COL4A6: variants seen among roughly 807,000 people sequenced by gnomAD.
COL4A6 encodes collagen type IV alpha 6 chain, also known as collagen alpha-6(IV) chain.
COL4A6 carries 59 observed loss-of-function variants against 126.7 expected under a neutral mutation model. That is an observed-to-expected ratio of 0.47 (90% CI 0.38 to 0.58). The LOEUF is 0.58. Among genes scored for constraint, COL4A6 ranks in the 20% least tolerant of loss-of-function variants. COL4A6 has a pLI of 0.00. For missense variants in COL4A6, 1,285 were observed against 1,337.3 expected, an observed-to-expected ratio of 0.96 and a Z score of 0.61; for synonymous variants, 547 against 496.6, an observed-to-expected ratio of 1.10 and a Z score of -1.35.
At chrX:108,204,299 C>T in intron 12 of COL4A6, 21 bp downstream of exon 12, 2 of 1,101,810 alleles carry the variant, frequency 1.8e-6, no homozygotes, top group Non-Finnish European at 2.4e-6. Context: ...TAATTTTTTC[C>T]TATTCTTAAA....
At position 108,172,507 on chromosome X, in the gene COL4A6, G is replaced by A; in HGVS notation, c.3164C>T (p.Pro1055Leu). ...ESGSQGIRGS[P>L]GLPGASGLPG... ...GAGACCAGATGCTCCTGGGAGTCCA[G>A]GCGACCCTCTGATACCTTGTGAACC... Residue 1055 changes from proline to leucine, a missense_variant, in exon 32 of 45, where the codon CCT becomes CTT. Physicochemically the swap from Pro to Leu is moderately conservative, Grantham distance 98 (BLOSUM62 -3). Transcript: ENST00000334504. 2 of 1,207,127 alleles carry A rather than the reference G, an allele frequency of 1.7e-6. No individual in the cohort carries two copies. The highest frequency in any genetic ancestry group is 2.2e-6 in the Non-Finnish European group (2 of 893,286).
Position 108,180,985 on chromosome X carries a change from G to A in COL4A6, c.1952-17C>T. 1 of 1,183,651 alleles carries A rather than the reference G, an allele frequency of 8.4e-7. No homozygotes were observed. Among genetic ancestry groups the A allele is most frequent in the Non-Finnish European group, 1.1e-6 (1 of 871,058 alleles). On this transcript the variant is annotated splice_polypyrimidine_tract_variant and intron_variant, in intron 23 of 44. Transcript: ENST00000334504. The stretch of plus-strand genomic sequence containing the variant: ...GGGTGATTCCTGTAAATGGTAACAT[G>A]TGTGCATTCAGTGAACCCAGAGTTA...
intron 37 of COL4A6, among the ~76,000 whole-genome samples, chrX:108,168,661 T>C (rs937259406): frequency 3.0e-4 from 34 of 112,162 alleles, no homozygotes; most frequent in Non-Finnish European, 6.2e-4. Flanking sequence ...TAGGTTCTGT[T>C]ATAATGTTCA....
At position 108,164,713 on chromosome X, in the gene COL4A6, A is replaced by T; in HGVS notation, c.3971-15T>A. The T allele has an allele frequency of 8.3e-7, 1 of 1,208,116 alleles. No individual in the cohort carries two copies. The highest frequency in any genetic ancestry group is 1.1e-6 in the Non-Finnish European group (1 of 892,430). On this transcript the variant is annotated splice_polypyrimidine_tract_variant and intron_variant, in intron 39 of 44. Coordinates refer to ENST00000334504, the MANE Select transcript of COL4A6 (RefSeq NM_033641.4). ...ACCTCTCATGCCTGACAAAGCCCAA[A>T]GGAAGCAAGTCAGGTCCCGGCATGG...
At chrX:108,272,124 C>G (rs2037467159) in intron 3 of COL4A6, among the ~76,000 whole-genome samples, 1 of 111,340 alleles carries the variant, frequency 9.0e-6, no homozygotes, top group Non-Finnish European at 1.9e-5. Flanking sequence ...CTGTCCTGCC[C>G]CTCTCTGTTT....
intron 3 of COL4A6, among the ~76,000 whole-genome samples, chrX:108,303,632 A>AAAGC (rs1351877815): frequency 8.9e-6 from 1 of 111,913 alleles, no homozygotes; most frequent in Non-Finnish European, 1.9e-5. Context: ...GCGAGTTTCT[A>AAAGC]AAGCTAGAAC....
intron 3 of COL4A6, among the ~76,000 whole-genome samples, chrX:108,222,269 G>T (rs1430640360): frequency 8.9e-6 from 1 of 112,036 alleles, no homozygotes; most frequent in Non-Finnish European, 1.9e-5. Context: ...AATTTTCTTG[G>T]CAGAAAAATG....
chrX:108,422,736 T>C (rs921763874), intron 2 of COL4A6, among the ~76,000 whole-genome samples: 1 of 111,958 alleles, frequency 8.9e-6, no homozygotes, highest in African/African-American at 3.2e-5. Context: ...TCCTAGCCGT[T>C]AGGTTGAATG....
At chrX:108,369,980 T>C (rs922146768) in intron 2 of COL4A6, among the ~76,000 whole-genome samples, 1 of 111,986 alleles carries the variant, frequency 8.9e-6, no homozygotes, top group Non-Finnish European at 1.9e-5. Flanking sequence ...TAATCCAATC[T>C]TAACTCCCAT....
intron 12 of COL4A6, among the ~76,000 whole-genome samples, chrX:108,203,689 C>A (rs2035456770): frequency 8.9e-6 from 1 of 112,676 alleles, no homozygotes; most frequent in African/African-American, 3.2e-5. Context: ...TATCTGCACA[C>A]CTTAACAGTA....
intron 2 of COL4A6, among the ~76,000 whole-genome samples, chrX:108,431,825 A>G (rs1289073896): frequency 1.8e-5 from 2 of 111,650 alleles, no homozygotes; most frequent in African/African-American, 3.3e-5. Context: ...AGAGAATGCA[A>G]ATTGGTCTCT....
Position 108,204,445 on chromosome X carries a change from ACAAT to A in COL4A6, c.688-37_688-34del, listed in dbSNP as rs199627069. ...ATCAAATGGAACATTAAGCAAAGTG[ACAAT>A]CACACCGACCGTTTTTCCAGAGTGG... On this transcript the variant is annotated intron_variant, in intron 11 of 44. Coordinates refer to ENST00000334504, the MANE Select transcript of COL4A6 (RefSeq NM_033641.4). 7,689 of 1,120,164 alleles carry A rather than the reference ACAAT, an allele frequency of 6.9e-3. 302 individuals carry two copies. The African/African-American group carries it at 0.12, about 17-fold the overall frequency. 92.3% of individuals were successfully genotyped at this position (1,120,164 alleles called of 1,213,427 possible). A position where few individuals can be genotyped will look rare whatever the true frequency, so the allele number is the denominator to read the frequency against.
chrX:108,167,838 C>A (rs1301046832), intron 37 of COL4A6, among the ~76,000 whole-genome samples: 1 of 112,071 alleles, frequency 8.9e-6, no homozygotes, highest in African/African-American at 3.2e-5. Context: ...ACAATGAACA[C>A]TTGTGTTTCA....
chrX:108,196,640 A>C (rs372147123), intron 13 of COL4A6, 61 bp from the exon 14 acceptor site: 4 of 978,757 alleles, frequency 4.1e-6, no homozygotes, highest in Non-Finnish European at 1.4e-6. Context: ...TCCTGGCTTC[A>C]TCCAAAGCAA....
Position 108,206,537 on chromosome X carries a change from G to T in COL4A6, c.590C>A (p.Ala197Glu), listed in dbSNP as rs2035548945. 1.7e-6 allele frequency: 2 copies of T among 1,210,142 alleles called. No individual in the cohort carries two copies. The highest frequency in any genetic ancestry group is 3.5e-5 in the African/African-American group (2 of 57,788). ...APGFPGAVGP[A>E]GPPGLQGPPG... is the part of the protein sequence containing the mutation. ...TCTTACTTGTAATCCTGGTGGTCCTGCAGGTCCTACAGCTCCAGGAAATCC... is the reference window on the plus strand; with the variant it reads ...TCTTACTTGTAATCCTGGTGGTCCTTCAGGTCCTACAGCTCCAGGAAATCC... The change falls in exon 9 of 45, where the codon GCA (alanine) becomes GAA (glutamate). Residue 197 changes from alanine (A) to glutamate (E), a missense_variant. By Grantham distance (107) the Ala-to-Glu change is moderately radical (BLOSUM62 -1). Transcript: ENST00000334504.
At chrX:108,177,964 T>TG (rs778879980) in intron 27 of COL4A6, among the ~76,000 whole-genome samples, 6 of 111,768 alleles carry the variant, frequency 5.4e-5, no homozygotes, top group African/African-American at 1.9e-4. Context: ...GCAGAGCCAT[T>TG]GGGGGTGTTA....
rs578157904 is a variant in COL4A6 at position 108,210,400 on chromosome X, G to A, written c.511-396C>T. ...ATCCCCAAAGATTCTGTGCCCATAT[G>A]TATACGATGCAAATCGGTCATTTCA... is the stretch of plus-strand genomic sequence containing the variant. On this transcript the variant is annotated intron_variant, in intron 7 of 44. Transcript: ENST00000334504. Among the ~76,000 whole-genome samples the A allele has an allele frequency of 4.2e-4, 47 of 112,245 alleles. No individual in the cohort carries two copies. The South Asian group carries it at 0.017, about 41-fold the overall frequency.
intron 27 of COL4A6, among the ~76,000 whole-genome samples, chrX:108,178,100 A>AG (rs1302041061): frequency 4.4e-5 from 5 of 112,488 alleles, no homozygotes; most frequent in Non-Finnish European, 9.4e-5. Flanking sequence ...TTCAGTCACT[A>AG]GGCCAGGAGT....
In COL4A6 at chrX:108,156,937, G is replaced by T; in HGVS notation, c.*63C>A. Reference sequence around the variant, plus strand: ...AGGCCTTCCTTCTTCAGACCATTCAGGTTTGTGAGGTGACTGTTGTGAGGG... The same window carrying T: ...AGGCCTTCCTTCTTCAGACCATTCATGTTTGTGAGGTGACTGTTGTGAGGG... On this transcript the variant is annotated 3_prime_UTR_variant, in exon 45 of 45. Coordinates refer to ENST00000334504, the MANE Select transcript of COL4A6 (RefSeq NM_033641.4). The T allele has an allele frequency of 9.2e-7, 1 of 1,090,869 alleles. No individual in the cohort carries two copies. Among genetic ancestry groups the T allele is most frequent in the Non-Finnish European group, 1.3e-6 (1 of 796,084 alleles). 89.9% of individuals were successfully genotyped at this position (1,090,869 alleles called of 1,213,427 possible).
Sources: gnomAD v4.1 joint callset for allele counts (sites outside exome capture counted in the v4.1 genomes callset) on GRCh38, gnomAD v4.1.1 for gene constraint, MANE v1.5 for transcripts, NCBI Gene and HGNC (gene_info 2026-07-23, HGNC 2026-07-21) for gene names.